Variants in SMAP1 observed in about 807,000 individuals in gnomAD.
SMAP1 encodes the protein stromal membrane-associated protein 1.
A neutral mutation model predicts 58.5 loss-of-function variants in SMAP1; 24 were observed. The observed-to-expected ratio is 0.41, with a 90% CI of 0.30 to 0.58. The LOEUF (loss-of-function observed/expected upper bound fraction) is 0.58. Ranked by LOEUF, SMAP1 falls within the 20% of genes least tolerant of loss-of-function variation. The pLI is 0.29. For missense variants in SMAP1, 563 were observed against 566.3 expected, an observed-to-expected ratio of 0.99 and a Z score of 0.06; for synonymous variants, 216 against 196.6, an observed-to-expected ratio of 1.10 and a Z score of -0.82.
intron 4 of SMAP1, among the ~76,000 whole-genome samples, chr6:70,786,590 A>G (rs1463156370): frequency 3.3e-5 from 5 of 151,956 alleles, no homozygotes; most frequent in Non-Finnish European, 7.4e-5. Context: ...TAAGCTGATA[A>G]GCAACTTCAG....
At position 70,766,080 on chromosome 6, in the gene SMAP1, A is replaced by C. The variant is rs905307687; in HGVS notation, c.339-7270A>C. The stretch of plus-strand genomic sequence containing the variant: ...TCCCTACAAAGGACATGAACTCATC[A>C]TTTTTTATGGCTGCATAGTATTCCA... On this transcript the variant is annotated intron_variant, in intron 3 of 10. Transcript: ENST00000370455. Among the ~76,000 whole-genome samples, 5 of 152,068 alleles carry C rather than the reference A, an allele frequency of 3.3e-5. No homozygotes were observed. In the East Asian group the frequency reaches 9.6e-4, roughly 29 times the overall value.
chr6:70,668,328 G>A (rs945530633), intron 1 of SMAP1, among the ~76,000 whole-genome samples, 187 bp downstream of exon 1: 3 of 152,040 alleles, frequency 2.0e-5, no homozygotes, highest in Non-Finnish European at 2.9e-5. Flanking sequence ...GCCAGAGGCG[G>A]CGGCGAGGTC....
intron 1 of SMAP1, among the ~76,000 whole-genome samples, chr6:70,708,241 T>C (rs1238450032): frequency 6.6e-6 from 1 of 152,218 alleles, no homozygotes; most frequent in Non-Finnish European, 1.5e-5. Context: ...ATCTGGCTTA[T>C]TTTACTAACC....
At chr6:70,669,636 C>T (rs1249061234) in intron 1 of SMAP1, among the ~76,000 whole-genome samples, 1 of 152,134 alleles carries the variant, frequency 6.6e-6, no homozygotes, top group African/African-American at 2.4e-5. Context: ...TGCTCATTGA[C>T]TGCACTAGCA....
chr6:70,845,553 T>C (rs764015966), intron 7 of SMAP1, among the ~76,000 whole-genome samples: 4 of 152,246 alleles, frequency 2.6e-5, no homozygotes, highest in Non-Finnish European at 4.4e-5. Context: ...TGCAAACTTA[T>C]TTCAAGTAAA....
rs760369203 is a variant in SMAP1, at chr6:70,861,983, G to T, written c.*1649G>T. On this transcript the variant is annotated 3_prime_UTR_variant, in exon 11 of 11. Transcript: ENST00000370455. ...CTTGAAGACTTACAGCAAATCCTTT[G>T]TGAAAAATAAAAAAAAAAAAGAGAC... The T allele has an allele frequency of 7.1e-6, 11 of 1,558,420 alleles. No homozygotes were observed. Among genetic ancestry groups the T allele is most frequent in the South Asian group, 2.4e-5 (2 of 82,684 alleles).
At chr6:70,816,984 G>A (rs1459269666) in intron 6 of SMAP1, among the ~76,000 whole-genome samples, 4 of 151,854 alleles carry the variant, frequency 2.6e-5, no homozygotes, top group Admixed American at 6.6e-5. Flanking sequence ...ATATATTTGT[G>A]ATTTATGGAC....
intron 1 of SMAP1, among the ~76,000 whole-genome samples, chr6:70,682,170 A>ATTTTTTTTTT (rs66981900): frequency 1.6e-4 from 15 of 95,916 alleles, no homozygotes; most frequent in Non-Finnish European, 2.8e-4. Context: ...CTCTGCACAG[A>ATTTTTTTTTT]TTTTTTTTTT....
intron 5 of SMAP1, among the ~76,000 whole-genome samples, chr6:70,796,090 C>A (rs999266454): frequency 5.3e-5 from 8 of 152,146 alleles, no homozygotes; most frequent in African/African-American, 1.7e-4. Flanking sequence ...TAGTTTACTA[C>A]GAATATATAG....
chr6:70,758,759 CT>C (rs1766622928), intron 3 of SMAP1, among the ~76,000 whole-genome samples: 1 of 151,950 alleles, frequency 6.6e-6, no homozygotes, highest in African/African-American at 2.4e-5. Context: ...GTTGGGAAAG[CT>C]ACATTAAGAT....
intron 3 of SMAP1, among the ~76,000 whole-genome samples, chr6:70,765,351 C>T (rs1197430029): frequency 3.0e-4 from 45 of 152,112 alleles, no homozygotes. Context: ...AGTTAAGTTC[C>T]TATGGCATAT....
At chr6:70,786,099 C>T (rs1474641003) in intron 4 of SMAP1, among the ~76,000 whole-genome samples, 1 of 152,144 alleles carries the variant, frequency 6.6e-6, no homozygotes, top group East Asian at 1.9e-4. Context: ...AAAAGCTTAT[C>T]CACCATGATC....
intron 6 of SMAP1, among the ~76,000 whole-genome samples, chr6:70,810,259 T>C (rs1464889249): frequency 6.6e-6 from 1 of 152,190 alleles, no homozygotes; most frequent in Non-Finnish European, 1.5e-5. Flanking sequence ...TGTCTCAGCC[T>C]TCTGCACCTG....
At chr6:70,795,392 C>T (rs1326078973) in intron 5 of SMAP1, among the ~76,000 whole-genome samples, 1 of 152,172 alleles carries the variant, frequency 6.6e-6, no homozygotes, top group African/African-American at 2.4e-5. Context: ...ATTTACTTCT[C>T]ACAGTTCTGG....
At position 70,730,087 on chromosome 6, in the gene SMAP1, T is replaced by C. The variant is rs570553253; in HGVS notation, c.119-2291T>C. 5.3e-5 allele frequency among the ~76,000 whole-genome samples: 8 copies of C among 152,316 alleles called. No homozygotes were observed. In the South Asian group the frequency reaches 1.7e-3, roughly 32 times the overall value. On this transcript the variant is annotated intron_variant, in intron 1 of 10. Coordinates refer to ENST00000370455, the MANE Select transcript of SMAP1 (RefSeq NM_001044305.3). ...TCCCTTCTCCCCCTGACCCTCCTTT[T>C]TTTTCTGACTAGAGTGCGGTGGTAC...
chr6:70,784,935 G>A (rs573181431), intron 4 of SMAP1, among the ~76,000 whole-genome samples: 2 of 152,136 alleles, frequency 1.3e-5, no homozygotes, highest in East Asian at 1.9e-4. Flanking sequence ...ATAGAACTCA[G>A]CTCTGCACCA....
chr6:70,755,019 T>C lies in SMAP1; in HGVS notation c.292T>C (p.Tyr98His). Residue 98 changes from tyrosine to histidine, a missense_variant, in exon 3 of 11, where the codon TAT becomes CAT. By Grantham distance (83) the Tyr-to-His change is moderately conservative. Coordinates refer to ENST00000370455, the MANE Select transcript of SMAP1 (RefSeq NM_001044305.3). ...GGGAAATACTAAAGCAAGACTACTC[T>C]ATGAAGCCAATCTTCCAGAGAACTT... is the stretch of plus-strand genomic sequence containing the variant. ...DMGNTKARLL[Y>H]EANLPENFRR... 6.2e-7 allele frequency: 1 copy of C among 1,610,824 alleles called. No homozygotes were observed. Among genetic ancestry groups the C allele is most frequent in the Non-Finnish European group, 8.5e-7 (1 of 1,177,684 alleles).
At chr6:70,806,499 C>T (rs996762591) in intron 6 of SMAP1, among the ~76,000 whole-genome samples, 6 of 152,158 alleles carry the variant, frequency 3.9e-5, no homozygotes, top group South Asian at 2.1e-4. Flanking sequence ...GCTCACCCTC[C>T]GTGGGCTGCA....
intron 1 of SMAP1, among the ~76,000 whole-genome samples, chr6:70,726,988 A>G (rs565376598): frequency 2.0e-5 from 3 of 152,046 alleles, no homozygotes; most frequent in South Asian, 2.1e-4. Flanking sequence ...TTTTGGCTAT[A>G]TATTACAGTA....
Sources: gnomAD v4.1 joint callset for allele counts (sites outside exome capture counted in the v4.1 genomes callset) on GRCh38, gnomAD v4.1.1 for gene constraint, MANE v1.5 for transcripts, NCBI Gene and HGNC (gene_info 2026-07-23, HGNC 2026-07-21) for gene names.